Variants in NIPBL observed in about 807,000 individuals in gnomAD.
NIPBL encodes NIPBL cohesin loading factor, also known as nipped-B-like protein.
A neutral mutation model predicts 321.8 loss-of-function variants in NIPBL; 19 were observed. The ratio of observed to expected loss-of-function variants is 0.06; its 90% confidence interval spans 0.04 to 0.09. The LOEUF (loss-of-function observed/expected upper bound fraction) is 0.09. Among genes scored for constraint, NIPBL ranks in the 10% least tolerant of loss-of-function variants. The pLI is 1.00. For missense variants in NIPBL, 2,210 were observed against 3,327.0 expected (o/e 0.66, Z 8.26); for synonymous variants, 1,106 against 1,114.1 (o/e 0.99, Z 0.14).
intron 29 of NIPBL, among the ~76,000 whole-genome samples, chr5:37,022,605 T>G (rs1326881915): frequency 2.6e-5 from 4 of 152,224 alleles, no homozygotes; most frequent in African/African-American, 9.6e-5. Context: ...ATTGGATTCC[T>G]TTTTTCAGTT....
chr5:36,892,185 A>T (rs1268034462), intron 1 of NIPBL, among the ~76,000 whole-genome samples: 2 of 152,244 alleles, frequency 1.3e-5, no homozygotes, highest in Non-Finnish European at 2.9e-5. Context: ...ACAGTGGATG[A>T]AAAAATGCTC....
At chr5:37,012,139 CTT>C (rs550899153) in intron 21 of NIPBL, among the ~76,000 whole-genome samples, 4 of 139,436 alleles carry the variant, frequency 2.9e-5, no homozygotes, top group African/African-American at 8.0e-5. Context: ...CTTTAAATTT[CTT>C]TTTTTTTTTT....
chr5:37,012,766 G>C (rs1351781772), intron 21 of NIPBL, among the ~76,000 whole-genome samples: 1 of 152,162 alleles, frequency 6.6e-6, no homozygotes, highest in Non-Finnish European at 1.5e-5. Flanking sequence ...ACGTTTCAGA[G>C]AGCACAGGGT....
intron 3 of NIPBL, among the ~76,000 whole-genome samples, chr5:36,957,270 C>T (rs1325753123): frequency 6.6e-6 from 1 of 152,152 alleles, no homozygotes; most frequent in Non-Finnish European, 1.5e-5. Flanking sequence ...TTGGTTTCCG[C>T]TTTTCCCGCA....
intron 1 of NIPBL, among the ~76,000 whole-genome samples, chr5:36,922,043 C>T (rs1459309392): frequency 3.3e-5 from 5 of 151,814 alleles, no homozygotes; most frequent in South Asian, 2.1e-4. Context: ...CCCACCACCA[C>T]GCCTGGTTAG....
chr5:36,932,794 T>TG, intron 1 of NIPBL, among the ~76,000 whole-genome samples: 1 of 149,464 alleles, frequency 6.7e-6, no homozygotes, highest in African/African-American at 2.5e-5. Flanking sequence ...TTTTTTTTTT[T>TG]TTTTTTTTTA....
chr5:36,942,225 G>A (rs1192674558), intron 1 of NIPBL, among the ~76,000 whole-genome samples: 12 of 151,750 alleles, frequency 7.9e-5, no homozygotes, highest in Non-Finnish European at 1.5e-5. Flanking sequence ...CTCAGGTCAG[G>A]AGTTTGAGAC....
intron 1 of NIPBL, among the ~76,000 whole-genome samples, chr5:36,910,512 T>C (rs1580205690): frequency 1.3e-5 from 2 of 152,212 alleles, no homozygotes; most frequent in African/African-American, 4.8e-5. Context: ...CCATATACCT[T>C]TATTGTTCTT....
At chr5:36,961,380 A>G (rs1049515246) in intron 4 of NIPBL, 104 bp from the exon 5 acceptor site, 5 of 770,292 alleles carry the variant, frequency 6.5e-6, no homozygotes, top group Non-Finnish European at 1.1e-5. Flanking sequence ...AACATTGATC[A>G]AAAAAATCTC....
chr5:36,984,604 C>T (rs80358377), intron 9 of NIPBL, 72 bp from the exon 10 acceptor site: 17,378 of 1,357,868 alleles, frequency 0.013, 157 homozygotes, highest in Non-Finnish European at 0.014. Context: ...AGATAAACAA[C>T]GTCCATAGGG....
At chr5:36,958,534 TTAAA>T (rs1395922443) in intron 4 of NIPBL, among the ~76,000 whole-genome samples, 13 of 152,208 alleles carry the variant, frequency 8.5e-5, no homozygotes, top group Non-Finnish European at 1.5e-4. Flanking sequence ...CTTTCATTAA[TTAAA>T]TAAATATTTG....
At chr5:37,006,768 A>G (rs1747482296) in intron 17 of NIPBL, among the ~76,000 whole-genome samples, 180 bp downstream of exon 17, 1 of 151,994 alleles carries the variant, frequency 6.6e-6, no homozygotes, top group Admixed American at 6.5e-5. Flanking sequence ...GAACATTTAT[A>G]TATAATAGAA....
chr5:36,941,437 C>A (rs1433017751), intron 1 of NIPBL, among the ~76,000 whole-genome samples: 1 of 149,748 alleles, frequency 6.7e-6, no homozygotes, highest in African/African-American at 2.5e-5. Context: ...TAAAAAAAAT[C>A]AATCAGCTAT....
intron 1 of NIPBL, among the ~76,000 whole-genome samples, chr5:36,952,051 TGTGCGCGCGCGC>T (rs1277801264): frequency 2.8e-4 from 29 of 102,876 alleles, no homozygotes; most frequent in Non-Finnish European, 4.6e-4. Flanking sequence ...TGTGTGTGTG[TGTGCGCGCGCGC>T]GCGCGCGCGC....
At chr5:36,969,804 T>C (rs1742654659) in intron 6 of NIPBL, among the ~76,000 whole-genome samples, 1 of 152,186 alleles carries the variant, frequency 6.6e-6, no homozygotes, top group Non-Finnish European at 1.5e-5. Context: ...TAAAAATTAT[T>C]GGCAAGGATA....
intron 13 of NIPBL, 23 bp from the exon 14 acceptor site, chr5:37,000,966 G>T (rs1746729535): frequency 1.3e-6 from 2 of 1,584,156 alleles, no homozygotes; most frequent in African/African-American, 1.3e-5. Context: ...TGAGAATAAT[G>T]AATATATTTT....
rs188309267 is a variant in NIPBL at position 36,976,395 on chromosome 5, A to G, written c.1488A>G (p.Gln496=). The G allele has an allele frequency of 3.7e-6, 6 of 1,605,268 alleles. No individual in the cohort carries two copies. The East Asian group carries it at 1.3e-4, about 36-fold the overall frequency. ...IERERFSKEV[Q]DKDKPLKKRK... The stretch of plus-strand genomic sequence containing the variant: ...GGGAGCGCTTCTCAAAAGAAGTTCA[A>G]GATAAAGGTAAAATAATCTCATTAT... The change falls in exon 9 of 47, where the codon CAA becomes CAG. Residue 496 remains glutamine, a synonymous_variant. Transcript: ENST00000282516.
At chr5:36,970,796 A>G (rs952572493) in intron 6 of NIPBL, 80 bp from the exon 7 acceptor site, 41 of 1,263,758 alleles carry the variant, frequency 3.2e-5, no homozygotes, top group Non-Finnish European at 4.1e-5. Flanking sequence ...TATATGCTTA[A>G]AATATTTGTG....
At chr5:36,980,229 A>T (rs549945334) in intron 9 of NIPBL, among the ~76,000 whole-genome samples, 1 of 151,766 alleles carries the variant, frequency 6.6e-6, no homozygotes, top group Non-Finnish European at 1.5e-5. Flanking sequence ...TTATCTAAAT[A>T]GTTTTTTCTG....
Sources: allele counts gnomAD v4.1 joint callset (sites outside exome capture counted in the v4.1 genomes callset), GRCh38; gene constraint gnomAD v4.1.1; transcripts MANE v1.5; gene names NCBI Gene and HGNC (gene_info 2026-07-23, HGNC 2026-07-21).